The following THEMIS variants were observed in gnomAD, a reference collection of about 807,000 sequenced individuals.
THEMIS encodes the protein protein THEMIS.
THEMIS carries 37 observed loss-of-function variants against 52.6 expected under a neutral mutation model. The observed-to-expected ratio is 0.70, with a 90% CI of 0.54 to 0.93. The LOEUF (loss-of-function observed/expected upper bound fraction) is 0.93, where lower values mean the gene tolerates loss of function less well. Ranked by LOEUF, THEMIS falls within the 40% of genes least tolerant of loss-of-function variation. The probability of loss-of-function intolerance (pLI) is 0.00; values close to 1 mark genes in which losing one functional copy is unlikely to be tolerated. For synonymous variants in THEMIS, 292 were observed against 272.7 expected (o/e 1.07, Z -0.70); for missense variants, 808 against 763.1 (o/e 1.06, Z -0.69).
At chr6:127,774,992 G>A (rs1345515741) in intron 4 of THEMIS, among the ~76,000 whole-genome samples, 3 of 152,162 alleles carry the variant, frequency 2.0e-5, no homozygotes, top group Admixed American at 6.5e-5. Context: ...CACTTAAAAA[G>A]AGGCAGGACA....
At chr6:127,716,283 CCT>C (rs1191725123) in intron 5 of THEMIS, among the ~76,000 whole-genome samples, 3 of 151,790 alleles carry the variant, frequency 2.0e-5, no homozygotes, top group South Asian at 2.1e-4. Flanking sequence ...AAAATGGCCC[CCT>C]GTTTAGCCAG....
intron 4 of THEMIS, among the ~76,000 whole-genome samples, chr6:127,730,731 T>C (rs549289527): frequency 1.3e-5 from 2 of 152,258 alleles, no homozygotes; most frequent in South Asian, 4.1e-4. Context: ...TCAAAAATAT[T>C]CCAAAACAAT....
chr6:127,719,889 A>G (rs1180297601), intron 4 of THEMIS, 66 bp from the exon 5 acceptor site: 1 of 1,567,350 alleles, frequency 6.4e-7, no homozygotes, highest in African/African-American at 1.4e-5. Context: ...GATATGAAAG[A>G]TTTATCACAT....
intron 4 of THEMIS, among the ~76,000 whole-genome samples, chr6:127,800,743 C>T (rs1264699029): frequency 6.6e-6 from 1 of 152,146 alleles, no homozygotes; most frequent in African/African-American, 2.4e-5. Flanking sequence ...GGAGACTGAC[C>T]TAGCTTCCCA....
intron 4 of THEMIS, among the ~76,000 whole-genome samples, chr6:127,747,300 A>G (rs1775478905): frequency 7.5e-6 from 1 of 133,788 alleles, no homozygotes; most frequent in Admixed American, 7.7e-5. Flanking sequence ...CTATCTGTTA[A>G]TGGTATATAA....
the THEMIS span, among the ~76,000 whole-genome samples, chr6:127,696,630 G>A: frequency 6.6e-6 from 1 of 152,236 alleles, no homozygotes; most frequent in African/African-American, 2.4e-5. Context: ...CCATTTCCTG[G>A]GGGGTTTGAA....
chr6:127,869,501 A>G (rs1780090196), intron 1 of THEMIS, among the ~76,000 whole-genome samples: 1 of 152,202 alleles, frequency 6.6e-6, no homozygotes, highest in South Asian at 2.1e-4. Context: ...TACATTTTCT[A>G]CTAAATGCAT....
intron 3 of THEMIS, among the ~76,000 whole-genome samples, chr6:127,824,698 C>G (rs1052133120): frequency 3.9e-5 from 6 of 152,144 alleles, no homozygotes; most frequent in Admixed American, 6.5e-5. Flanking sequence ...GGGGTTTCAC[C>G]GTGTTAGTCA....
chr6:127,823,706 T>C (rs938647393), intron 3 of THEMIS, among the ~76,000 whole-genome samples: 2 of 152,080 alleles, frequency 1.3e-5, no homozygotes, highest in African/African-American at 4.8e-5. Flanking sequence ...ACCAGTCCTT[T>C]GAGAGATTAT....
At chr6:127,714,878 T>C (rs1447109688) in intron 5 of THEMIS, among the ~76,000 whole-genome samples, 1 of 151,930 alleles carries the variant, frequency 6.6e-6, no homozygotes, top group Non-Finnish European at 1.5e-5. Flanking sequence ...CGGTTTTGCC[T>C]TCATAATTAG....
intron 2 of THEMIS, among the ~76,000 whole-genome samples, chr6:127,841,765 G>T (rs1779055731): frequency 6.6e-6 from 1 of 151,786 alleles, no homozygotes; most frequent in Non-Finnish European, 1.5e-5. Flanking sequence ...TATTTTAAAA[G>T]CCTGAATTTC....
At chr6:127,892,221 C>T (rs754042719) in intron 1 of THEMIS, among the ~76,000 whole-genome samples, 1 of 152,184 alleles carries the variant, frequency 6.6e-6, no homozygotes, top group Non-Finnish European at 1.5e-5. Context: ...TGGGCTGCTC[C>T]CTGTTTCTTA....
At chr6:127,759,534 G>C (rs921043193) in intron 4 of THEMIS, among the ~76,000 whole-genome samples, 1 of 152,110 alleles carries the variant, frequency 6.6e-6, no homozygotes, top group Non-Finnish European at 1.5e-5. Context: ...ATCGCAGTAA[G>C]TGGAAAATTT....
intron 2 of THEMIS, among the ~76,000 whole-genome samples, chr6:127,844,188 G>A (rs544113450): frequency 6.6e-6 from 1 of 152,134 alleles, no homozygotes; most frequent in South Asian, 2.1e-4. Flanking sequence ...CACTTGCTAT[G>A]TGATTTGGGG....
intron 1 of THEMIS, among the ~76,000 whole-genome samples, chr6:127,890,136 T>C (rs1253563411): frequency 6.6e-6 from 1 of 152,154 alleles, no homozygotes; most frequent in Admixed American, 6.6e-5. Context: ...TATGAGTAGA[T>C]TACATACAAT....
chr6:127,839,151 C>A (rs12213305), intron 2 of THEMIS, among the ~76,000 whole-genome samples: 4 of 151,902 alleles, frequency 2.6e-5, no homozygotes, highest in Non-Finnish European at 5.9e-5. Flanking sequence ...TTTTATTCTG[C>A]ATTATGTTGA....
At chr6:127,784,327 A>T (rs967760260) in intron 4 of THEMIS, among the ~76,000 whole-genome samples, 16 of 152,238 alleles carry the variant, frequency 1.1e-4, no homozygotes, top group African/African-American at 3.1e-4. Flanking sequence ...TGACACATGT[A>T]TACCTATGTA....
At chr6:127,827,969 T>C (rs2114654897) in intron 3 of THEMIS, among the ~76,000 whole-genome samples, 1 of 152,276 alleles carries the variant, frequency 6.6e-6, no homozygotes, top group African/African-American at 2.4e-5. Context: ...TCCGTTTTTT[T>C]CTCACACCAA....
intron 2 of THEMIS, among the ~76,000 whole-genome samples, chr6:127,844,662 A>T (rs1431935914): frequency 6.6e-6 from 1 of 151,952 alleles, no homozygotes; most frequent in Non-Finnish European, 1.5e-5. Flanking sequence ...CTAAGAGAAT[A>T]TGTTTATTAT....
Sources: allele counts gnomAD v4.1 joint callset (sites outside exome capture counted in the v4.1 genomes callset), GRCh38; gene constraint gnomAD v4.1.1; transcripts MANE v1.5; gene names NCBI Gene and HGNC (gene_info 2026-07-23, HGNC 2026-07-21).